SCLT1: variants seen among roughly 807,000 people sequenced by gnomAD.
The protein encoded by SCLT1 is sodium channel-associated protein 1.
A neutral mutation model predicts 112.8 loss-of-function variants in SCLT1; 78 were observed. The ratio of observed to expected loss-of-function variants is 0.69; its 90% CI spans 0.58 to 0.83. SCLT1 has a LOEUF of 0.83. Among genes scored for constraint, SCLT1 ranks in the 40% least tolerant of loss-of-function variants. The pLI, the probability that SCLT1 is intolerant of heterozygous loss-of-function variation, is 0.00. For missense variants in SCLT1, 747 were observed against 770.4 expected (o/e 0.97, Z 0.36); for synonymous variants, 257 against 254.7 (o/e 1.01, Z -0.09).
intron 18 of SCLT1, among the ~76,000 whole-genome samples, chr4:128,896,730 T>G (rs1422534494): frequency 1.3e-5 from 2 of 151,958 alleles, no homozygotes; most frequent in African/African-American, 4.8e-5. Context: ...TACTCCCAGC[T>G]AAAGTAGGAA....
At chr4:129,077,563 T>C (rs1751571962) in intron 2 of SCLT1, among the ~76,000 whole-genome samples, 1 of 152,168 alleles carries the variant, frequency 6.6e-6, no homozygotes, top group Non-Finnish European at 1.5e-5. Flanking sequence ...AGTTGTTTCA[T>C]TCACTCAACA....
rs527312303 is a variant in SCLT1 at position 128,884,460 on chromosome 4, G to A, written c.*17C>T. 3.3e-6 allele frequency: 5 copies of A among 1,525,936 alleles called. No homozygotes were observed. The highest frequency in any genetic ancestry group is 1.4e-5 in the African/African-American group (1 of 73,322). 94.5% of individuals were successfully genotyped at this position (1,525,936 alleles called of 1,614,324 possible). Reference sequence around the variant, plus strand: ...CTTTCCCAACTCTAAAGTTCTGTGAGTGAACTATGAATATTTTTAAATATT... The same window carrying A: ...CTTTCCCAACTCTAAAGTTCTGTGAATGAACTATGAATATTTTTAAATATT... On this transcript the variant is annotated 3_prime_UTR_variant, in exon 21 of 21. Transcript: ENST00000281142.
chr4:128,901,885 T>A (rs985879092), intron 18 of SCLT1, among the ~76,000 whole-genome samples: 1 of 152,130 alleles, frequency 6.6e-6, no homozygotes, highest in African/African-American at 2.4e-5. Context: ...CACACATACA[T>A]ACACACATTC....
intron 18 of SCLT1, among the ~76,000 whole-genome samples, chr4:128,907,142 T>A (rs1379488776): frequency 2.2e-5 from 2 of 91,134 alleles, no homozygotes; most frequent in African/African-American, 8.8e-5. Flanking sequence ...GAGGTGGGGG[T>A]GGGAGTGAGA....
chr4:129,046,188 G>A (rs1748160919), intron 2 of SCLT1, among the ~76,000 whole-genome samples: 1 of 152,036 alleles, frequency 6.6e-6, no homozygotes, highest in Admixed American at 6.6e-5. Flanking sequence ...TTTGCATATT[G>A]GTATACGTGT....
At chr4:128,908,150 T>C (rs1313922838) in intron 18 of SCLT1, among the ~76,000 whole-genome samples, 1 of 152,136 alleles carries the variant, frequency 6.6e-6, no homozygotes, top group East Asian at 1.9e-4. Flanking sequence ...TTCTATATTA[T>C]ATGAGAGAAT....
At chr4:129,040,759 T>G (rs1478198768) in intron 4 of SCLT1, among the ~76,000 whole-genome samples, 1 of 152,212 alleles carries the variant, frequency 6.6e-6, no homozygotes, top group Non-Finnish European at 1.5e-5. Context: ...GGAGATATAG[T>G]ATTTTTTGAC....
chr4:129,002,668 C>G (rs943903713), intron 6 of SCLT1, among the ~76,000 whole-genome samples: 1 of 151,630 alleles, frequency 6.6e-6, no homozygotes, highest in Non-Finnish European at 1.5e-5. Context: ...ATGCAGGCAA[C>G]AAACATATGA....
At chr4:128,988,242 C>G (rs534083527) in intron 9 of SCLT1, among the ~76,000 whole-genome samples, 75 of 152,064 alleles carry the variant, frequency 4.9e-4, no homozygotes, top group African/African-American at 1.7e-3. Context: ...CATCAGAAGA[C>G]TAGAAGACAG....
At chr4:128,987,165 TG>T (rs1742171512) in intron 9 of SCLT1, among the ~76,000 whole-genome samples, 1 of 152,120 alleles carries the variant, frequency 6.6e-6, no homozygotes, top group South Asian at 2.1e-4. Flanking sequence ...CTGCAATAAT[TG>T]CAGGCTTAGG....
chr4:129,092,878 A>ACTAC (rs1381373464), intron 1 of SCLT1, among the ~76,000 whole-genome samples, 192 bp downstream of exon 1: 2 of 152,222 alleles, frequency 1.3e-5, no homozygotes, highest in Non-Finnish European at 2.9e-5. Context: ...AGCTACAAGT[A>ACTAC]CTACCACACG....
intron 2 of SCLT1, among the ~76,000 whole-genome samples, chr4:129,045,092 A>G (rs1748064147): frequency 6.6e-6 from 1 of 152,054 alleles, no homozygotes. Flanking sequence ...AGCACATACT[A>G]AATGGAAAAA....
At chr4:129,085,498 T>C (rs961787214) in intron 1 of SCLT1, among the ~76,000 whole-genome samples, 1 of 152,122 alleles carries the variant, frequency 6.6e-6, no homozygotes, top group African/African-American at 2.4e-5. Flanking sequence ...TTCGACCCTT[T>C]AATCCCATTA....
intron 18 of SCLT1, among the ~76,000 whole-genome samples, chr4:128,902,813 T>C (rs751182462): frequency 4.6e-5 from 7 of 152,236 alleles, no homozygotes; most frequent in Non-Finnish European, 8.8e-5. Context: ...AACACAAATG[T>C]ACAGCTGTAC....
chr4:129,014,168 G>T (rs995362766), intron 5 of SCLT1, among the ~76,000 whole-genome samples: 4 of 151,924 alleles, frequency 2.6e-5, no homozygotes, highest in African/African-American at 7.3e-5. Context: ...AGGTCAGTTG[G>T]TTTTTTTCTA....
intron 7 of SCLT1, among the ~76,000 whole-genome samples, chr4:128,998,498 G>A (rs569025561): frequency 2.4e-4 from 36 of 151,854 alleles, no homozygotes; most frequent in African/African-American, 7.2e-4. Flanking sequence ...AGATAACCAG[G>A]GAAAAAAGAA....
At chr4:128,898,970 C>T (rs1734032197) in intron 18 of SCLT1, among the ~76,000 whole-genome samples, 1 of 152,114 alleles carries the variant, frequency 6.6e-6, no homozygotes, top group South Asian at 2.1e-4. Context: ...GAAGACTAAA[C>T]CAGGAAGAAG....
At position 129,065,532 on chromosome 4, in the gene SCLT1, G is replaced by A. The variant is rs532653218; in HGVS notation, c.102+16774C>T. 2.0e-4 allele frequency among the ~76,000 whole-genome samples: 30 copies of A among 152,142 alleles called. No individual in the cohort carries two copies. In the East Asian group the frequency reaches 4.6e-3, roughly 23 times the overall value. ...GTTCCAACTATTCAAGCCTGTTGCT[G>A]TAGCACAAATGGAGTCATAGACAAT... On this transcript the variant is annotated intron_variant, in intron 2 of 20. Transcript: ENST00000281142.
At chr4:128,937,517 C>T (rs1737314151) in intron 17 of SCLT1, among the ~76,000 whole-genome samples, 1 of 152,146 alleles carries the variant, frequency 6.6e-6, no homozygotes, top group South Asian at 2.1e-4. Context: ...AGTGTTGATG[C>T]TGTTGGTATC....
Sources: allele counts gnomAD v4.1 joint callset (sites outside exome capture counted in the v4.1 genomes callset), GRCh38; gene constraint gnomAD v4.1.1; transcripts MANE v1.5; gene names NCBI Gene and HGNC (gene_info 2026-07-23, HGNC 2026-07-21).